The following ABCC1 variants were observed in gnomAD, a reference collection of about 807,000 sequenced individuals.
The protein encoded by ABCC1 is multidrug resistance-associated protein 1.
Under a neutral mutation model 172.9 loss-of-function variants are expected in ABCC1, and 83 were observed. The ratio of observed to expected loss-of-function variants is 0.48; its 90% confidence interval spans 0.40 to 0.58. The LOEUF is 0.58. ABCC1 is among the 20% of genes least tolerant of loss of function. ABCC1 has a pLI of 0.00. For missense variants in ABCC1, 1,817 were observed against 2,002.7 expected (o/e 0.91, Z 1.77); for synonymous variants, 937 against 825.2 (o/e 1.14, Z -2.32).
intron 26 of ABCC1, among the ~76,000 whole-genome samples, chr16:16,131,507 G>A (rs903135158): frequency 9.9e-5 from 15 of 152,176 alleles, no homozygotes; most frequent in Non-Finnish European, 4.4e-5. Flanking sequence ...TCAAGCATGC[G>A]AGCCCCAAGA....
chr16:16,003,481 A>G lies in ABCC1; in HGVS notation c.49-4335A>G, dbSNP rs867946733. 2.4e-4 allele frequency among the ~76,000 whole-genome samples: 34 copies of G among 140,916 alleles called. 4 individuals are homozygous for G. Among genetic ancestry groups the G allele is most frequent in the Non-Finnish European group, 5.2e-4 (32 of 62,108 alleles). The allele number at this position is 140,916 out of a possible 152,430, so 92.4% of individuals were successfully genotyped here. ...TGGATGGGTGAATTAGTGGATGGGT[A>G]GGTGCATGGATGAATGAATTGGTGG... On this transcript the variant is annotated intron_variant, in intron 1 of 30. Coordinates refer to ENST00000399410, the MANE Select transcript of ABCC1 (RefSeq NM_004996.4).
At chr16:15,958,090 T>C (rs1335929773) in intron 1 of ABCC1, among the ~76,000 whole-genome samples, 1 of 152,114 alleles carries the variant, frequency 6.6e-6, no homozygotes, top group African/African-American at 2.4e-5. Context: ...GGCCAAATGT[T>C]TGTTGCCTTT....
chr16:16,131,709 T>G, intron 26 of ABCC1, 80 bp from the exon 27 acceptor site: 8 of 1,518,514 alleles, frequency 5.3e-6, no homozygotes, highest in East Asian at 2.3e-5. Context: ...GCAGAGTGAG[T>G]GAGAGGGGAG....
intron 7 of ABCC1, among the ~76,000 whole-genome samples, chr16:16,041,959 T>C (rs1226370575): frequency 6.6e-6 from 1 of 151,972 alleles, no homozygotes; most frequent in Non-Finnish European, 1.5e-5. Context: ...TAGCCGGGTG[T>C]GGTGGCGCTC....
intron 22 of ABCC1, among the ~76,000 whole-genome samples, chr16:16,114,003 C>T (rs2044735610): frequency 6.6e-6 from 1 of 152,220 alleles, no homozygotes; most frequent in South Asian, 2.1e-4. Context: ...GTGACCACCA[C>T]TCACCTCCTG....
intron 27 of ABCC1, 63 bp from the exon 28 acceptor site, chr16:16,134,287 T>C: frequency 1.2e-6 from 2 of 1,600,138 alleles, no homozygotes; most frequent in Non-Finnish European, 1.7e-6. Context: ...TGAGGGCACT[T>C]TGGGGCAGGG....
At chr16:16,076,100 A>G in intron 14 of ABCC1, 2 of 538,092 alleles carry the variant, frequency 3.7e-6, no homozygotes, top group Non-Finnish European at 6.5e-6. Context: ...TACAAGGACA[A>G]AGCTGCTTGC....
Position 16,033,179 on chromosome 16 carries a change from A to G in ABCC1, c.677+9A>G, listed in dbSNP as rs1465172656. 2 of 1,613,448 alleles carry G rather than the reference A, an allele frequency of 1.2e-6. No homozygotes were observed. The highest frequency in any genetic ancestry group is 1.1e-5 in the South Asian group (1 of 91,082). ...TTCTGGTGGATCACAGGGTAAGGCC[A>G]GGCCCCCCAGACCTCAGGGAGGTGG... On this transcript the variant is annotated intron_variant, in intron 6 of 30. Coordinates refer to ENST00000399410, the MANE Select transcript of ABCC1 (RefSeq NM_004996.4).
At chr16:15,979,271 C>T (rs1006493304) in intron 1 of ABCC1, among the ~76,000 whole-genome samples, 2 of 151,734 alleles carry the variant, frequency 1.3e-5, no homozygotes, top group Non-Finnish European at 2.9e-5. Context: ...AGCCTGGAGA[C>T]AGAGCAAGAC....
chr16:16,091,070 A>C (rs2152021726), intron 19 of ABCC1, among the ~76,000 whole-genome samples: 1 of 152,156 alleles, frequency 6.6e-6, no homozygotes, highest in East Asian at 1.9e-4. Context: ...TCATCTCCCC[A>C]GCTATGTGAC....
Position 16,067,060 on chromosome 16 carries a change from A to G in ABCC1, c.1678-1096A>G, listed in dbSNP as rs1244327994. 5.1e-4 allele frequency among the ~76,000 whole-genome samples: 78 copies of G among 152,022 alleles called. 1 individual carries two copies. Among genetic ancestry groups the G allele is most frequent in the Non-Finnish European group, 7.4e-5 (5 of 67,984 alleles). ...GAGCCCAGGTGTTCGAGAACAGCCT[A>G]GGAAGCATAGGGAGACCCTGTCTCT... is the stretch of plus-strand genomic sequence containing the variant. On this transcript the variant is annotated intron_variant, in intron 12 of 30. Transcript: ENST00000399410.
At chr16:15,950,921 T>TTTTG (rs539295372) in intron 1 of ABCC1, among the ~76,000 whole-genome samples, 5 of 151,932 alleles carry the variant, frequency 3.3e-5, no homozygotes, top group Non-Finnish European at 7.4e-5. Flanking sequence ...GAGGGTTTGG[T>TTTTG]TTTGTTTGTT....
chr16:16,126,651 C>T (rs1242835493), intron 26 of ABCC1, among the ~76,000 whole-genome samples: 1 of 152,180 alleles, frequency 6.6e-6, no homozygotes, highest in Non-Finnish European at 1.5e-5. Context: ...TCCCAAAGTG[C>T]TGGGATTACA....
intron 1 of ABCC1, among the ~76,000 whole-genome samples, chr16:15,970,843 C>T (rs926034511): frequency 1.3e-5 from 2 of 152,170 alleles, no homozygotes; most frequent in Non-Finnish European, 2.9e-5. Flanking sequence ...CATCTTCTTG[C>T]CTCGGCCTCC....
chr16:16,138,457 G>A lies in ABCC1; in HGVS notation c.4386G>A (p.Leu1462=). Residue 1462 remains leucine, a synonymous_variant, in exon 30 of 31, where the codon CTG becomes CTA. Coordinates refer to ENST00000399410, the MANE Select transcript of ABCC1 (RefSeq NM_004996.4). The part of the protein sequence containing the change: ...VLDEATAAVD[L]ETDDLIQSTI... ...ATGAGGCCACGGCAGCCGTGGACCT[G>A]GAAACGGACGACCTCATCCAGTCCA... The A allele has an allele frequency of 3.1e-6, 5 of 1,613,342 alleles. No individual in the cohort carries two copies. The highest frequency in any genetic ancestry group is 4.2e-6 in the Non-Finnish European group (5 of 1,179,462).
At chr16:15,986,323 T>C (rs564677479) in intron 1 of ABCC1, among the ~76,000 whole-genome samples, 4 of 152,290 alleles carry the variant, frequency 2.6e-5, no homozygotes, top group East Asian at 1.9e-4. Flanking sequence ...CTGGATCATC[T>C]AGGACAGGGG....
chr16:16,110,121 CT>C (rs1349518000), intron 21 of ABCC1, among the ~76,000 whole-genome samples: 3 of 150,904 alleles, frequency 2.0e-5, no homozygotes, highest in African/African-American at 7.3e-5. Context: ...TTTTTTCCCC[CT>C]GGAGGCAATG....
At position 16,086,926 on chromosome 16, in the gene ABCC1, G is replaced by C; in HGVS notation, c.2395G>C (p.Asp799His). The change falls in exon 18 of 31, where the codon GAT becomes CAT. Residue 799 changes from aspartate to histidine, a missense_variant. This residue lies in a region of ABCC1 where 1,412 missense variants were observed against 1,600.3 expected (regional missense o/e 0.88). Transcript: ENST00000399410. Reference sequence around the variant, plus strand: ...CTTCGATGATCCCCTCTCAGCAGTGGATGCCCATGTGGGAAAACACATCTT... The same window carrying C: ...CTTCGATGATCCCCTCTCAGCAGTGCATGCCCATGTGGGAAAACACATCTT... ...YLFDDPLSAV[D>H]AHVGKHIFEN... The C allele has an allele frequency of 6.2e-7, 1 of 1,614,240 alleles. No homozygotes were observed. The highest frequency in any genetic ancestry group is 1.1e-5 in the South Asian group (1 of 91,092).
At chr16:15,978,820 G>C (rs1196056129) in intron 1 of ABCC1, among the ~76,000 whole-genome samples, 1 of 152,098 alleles carries the variant, frequency 6.6e-6, no homozygotes, top group South Asian at 2.1e-4. Context: ...TGTTGTCACA[G>C]TTTGGGATGG....
Sources: allele counts gnomAD v4.1 joint callset (sites outside exome capture counted in the v4.1 genomes callset), GRCh38; gene constraint gnomAD v4.1.1; regional missense constraint gnomAD v4.1.1; transcripts MANE v1.5; gene names NCBI Gene and HGNC (gene_info 2026-07-23, HGNC 2026-07-21).